Variants in NPAS3 observed in about 807,000 individuals in gnomAD.
NPAS3 encodes the protein neuronal PAS domain-containing protein 3.
A neutral mutation model predicts 73.1 loss-of-function variants in NPAS3; 14 were observed. That is an observed-to-expected ratio of 0.19 (90% CI 0.13 to 0.30). The LOEUF (loss-of-function observed/expected upper bound fraction) is 0.30. NPAS3 is among the 10% of genes least tolerant of loss of function. The pLI is 1.00. For synonymous variants in NPAS3, 620 were observed against 541.5 expected, an observed-to-expected ratio of 1.14 and a Z score of -2.01; for missense variants, 1,096 against 1,250.0, an observed-to-expected ratio of 0.88 and a Z score of 1.86.
At chr14:32,976,498 C>T (rs1468033130) in intron 1 of NPAS3, among the ~76,000 whole-genome samples, 1 of 152,158 alleles carries the variant, frequency 6.6e-6, no homozygotes, top group African/African-American at 2.4e-5. Flanking sequence ...TGGAGTGGTA[C>T]ACATGTATTA....
At chr14:33,159,488 A>G (rs1259774268) in intron 2 of NPAS3, among the ~76,000 whole-genome samples, 2 of 151,254 alleles carry the variant, frequency 1.3e-5, no homozygotes, top group African/African-American at 4.9e-5. Flanking sequence ...AGATGTTTTT[A>G]TATTGTCGCC....
chr14:33,503,780 C>T (rs1022237642), intron 4 of NPAS3, among the ~76,000 whole-genome samples: 1 of 151,934 alleles, frequency 6.6e-6, no homozygotes, highest in Non-Finnish European at 1.5e-5. Context: ...TACTCCCAAC[C>T]GAATCTTTTT....
chr14:33,483,342 G>C (rs574683607), intron 4 of NPAS3, among the ~76,000 whole-genome samples: 1 of 152,114 alleles, frequency 6.6e-6, no homozygotes, highest in Non-Finnish European at 1.5e-5. Flanking sequence ...GTCTCCACCC[G>C]TGGGTTTTGT....
chr14:33,016,405 G>GGAAT (rs67545917), intron 1 of NPAS3, among the ~76,000 whole-genome samples: 27 of 150,358 alleles, frequency 1.8e-4, no homozygotes, highest in Non-Finnish European at 2.4e-4. Context: ...CAATATTCAT[G>GGAAT]GAATGAATGA....
chr14:33,586,818 C>T (rs2056877796), intron 5 of NPAS3, among the ~76,000 whole-genome samples: 1 of 152,194 alleles, frequency 6.6e-6, no homozygotes, highest in Non-Finnish European at 1.5e-5. Flanking sequence ...ATGCTTACCA[C>T]ACCATGTAGT....
At chr14:33,602,557 C>T (rs996004993) in intron 5 of NPAS3, among the ~76,000 whole-genome samples, 4 of 152,190 alleles carry the variant, frequency 2.6e-5, no homozygotes, top group African/African-American at 4.8e-5. Flanking sequence ...TCACCTCTTG[C>T]GCTGCAGCAG....
upstream of NPAS3, among the ~76,000 whole-genome samples, chr14:32,938,391 T>C (rs2035769630): frequency 6.6e-6 from 1 of 150,880 alleles, no homozygotes; most frequent in South Asian, 2.1e-4. Flanking sequence ...AGAAGGGAAG[T>C]GTTTGAAACT....
intron 2 of NPAS3, among the ~76,000 whole-genome samples, chr14:33,166,620 G>A (rs1268565111): frequency 6.6e-6 from 1 of 152,040 alleles, no homozygotes; most frequent in Non-Finnish European, 1.5e-5. Flanking sequence ...CCTTTTATCT[G>A]AAAGAGTAAA....
intron 3 of NPAS3, among the ~76,000 whole-genome samples, chr14:33,257,262 C>T (rs17091715): frequency 0.032 from 4,842 of 152,258 alleles, 200 homozygotes; most frequent in East Asian, 0.22. Context: ...TTTGCACCAA[C>T]GCTTACCTCT....
At chr14:33,102,818 A>G (rs1270082942) in intron 2 of NPAS3, among the ~76,000 whole-genome samples, 11 of 152,188 alleles carry the variant, frequency 7.2e-5, no homozygotes, top group Non-Finnish European at 1.5e-4. Flanking sequence ...AAACCAAAAC[A>G]GAGAAAATTA....
At position 33,654,517 on chromosome 14, in the gene NPAS3, T is replaced by A. The variant is rs183169195; in HGVS notation, c.559-21694T>A. ...AAAAAAAGTGACGATTAGATTTTTT[T>A]AAAGAAAAATTCCCAAAAATTTAGG... On this transcript the variant is annotated intron_variant, in intron 5 of 11. Coordinates refer to ENST00000356141, the Ensembl canonical transcript of NPAS3. Among the ~76,000 whole-genome samples, 577 of 152,294 alleles carry A rather than the reference T, an allele frequency of 3.8e-3. 5 individuals are homozygous for A. The highest frequency in any genetic ancestry group is 0.013 in the African/African-American group (542 of 41,568).
intron 3 of NPAS3, among the ~76,000 whole-genome samples, chr14:33,361,707 T>G (rs1488695325): frequency 6.6e-6 from 1 of 152,218 alleles, no homozygotes; most frequent in Non-Finnish European, 1.5e-5. Flanking sequence ...CTTTTTTGTC[T>G]AAATTGGTGA....
intron 4 of NPAS3, among the ~76,000 whole-genome samples, chr14:33,541,516 C>T (rs1038118972): frequency 6.6e-6 from 1 of 152,142 alleles, no homozygotes; most frequent in African/African-American, 2.4e-5. Flanking sequence ...CTGATCACTG[C>T]CCACAGGTTA....
intron 3 of NPAS3, among the ~76,000 whole-genome samples, chr14:33,244,424 AG>A (rs1258473850): frequency 6.6e-6 from 1 of 152,114 alleles, no homozygotes; most frequent in Admixed American, 6.5e-5. Flanking sequence ...TGATGCTTCT[AG>A]GAATAAAGAT....
At chr14:33,584,585 AC>A (rs1248913595) in intron 5 of NPAS3, among the ~76,000 whole-genome samples, 3 of 152,176 alleles carry the variant, frequency 2.0e-5, no homozygotes, top group African/African-American at 7.2e-5. Flanking sequence ...GGCTGGCAGG[AC>A]AAGGGCTTAT....
intron 5 of NPAS3, among the ~76,000 whole-genome samples, chr14:33,598,805 ATGAGT>A (rs1252639051): frequency 2.0e-5 from 3 of 152,166 alleles, no homozygotes; most frequent in Non-Finnish European, 2.9e-5. Flanking sequence ...TAAATTAACC[ATGAGT>A]TAATGTGTGA....
chr14:33,682,259 C>T (rs144889438), intron 6 of NPAS3, among the ~76,000 whole-genome samples: 8 of 152,250 alleles, frequency 5.3e-5, no homozygotes, highest in East Asian at 1.9e-4. Flanking sequence ...TAGCAATGAT[C>T]GGGACAAGTT....
At chr14:33,676,182 T>C (rs757751856) in intron 5 of NPAS3, 29 bp from the exon 6 acceptor site, 1 of 1,611,438 alleles carries the variant, frequency 6.2e-7, no homozygotes, top group Non-Finnish European at 8.5e-7. Flanking sequence ...ATAATGTCTT[T>C]CCTTCCCACC....
At chr14:33,747,061 C>T (rs919653483) in intron 7 of NPAS3, among the ~76,000 whole-genome samples, 3 of 151,952 alleles carry the variant, frequency 2.0e-5, no homozygotes, top group Admixed American at 6.5e-5. Flanking sequence ...CTAGAAATAC[C>T]ATTTGACCCA....
Sources: gnomAD v4.1 joint callset for allele counts (sites outside exome capture counted in the v4.1 genomes callset) on GRCh38, gnomAD v4.1.1 for gene constraint, MANE v1.5 for transcripts, NCBI Gene and HGNC (gene_info 2026-07-23, HGNC 2026-07-21) for gene names.